KIAA1328: variants seen among roughly 807,000 people sequenced by gnomAD.
KIAA1328 encodes the protein KIAA1328.
A neutral mutation model predicts 68.1 loss-of-function variants in KIAA1328; 52 were observed. The ratio of observed to expected loss-of-function variants is 0.76; its 90% CI spans 0.61 to 0.96. KIAA1328 has a LOEUF of 0.96. Ranked by LOEUF, KIAA1328 falls within the 40% of genes least tolerant of loss-of-function variation. KIAA1328 has a pLI of 0.00. For missense variants in KIAA1328, 641 were observed against 677.6 expected, an observed-to-expected ratio of 0.95 and a Z score of 0.60; for synonymous variants, 232 against 239.4, an observed-to-expected ratio of 0.97 and a Z score of 0.28.
At chr18:37,146,170 C>T (rs1050461223) in intron 7 of KIAA1328, among the ~76,000 whole-genome samples, 1 of 151,846 alleles carries the variant, frequency 6.6e-6, no homozygotes, top group Non-Finnish European at 1.5e-5. Context: ...GTTTGTTTTA[C>T]AGATTATTTT....
At chr18:37,062,202 A>T (rs2056172994) in intron 6 of KIAA1328, among the ~76,000 whole-genome samples, 1 of 152,156 alleles carries the variant, frequency 6.6e-6, no homozygotes, top group Non-Finnish European at 1.5e-5. Flanking sequence ...AAATAAAGGT[A>T]AGTTACTGAA....
Position 37,054,641 on chromosome 18 carries a change from G to A in KIAA1328, c.577-12249G>A, listed in dbSNP as rs1451555471. On this transcript the variant is annotated intron_variant, in intron 6 of 9. Coordinates refer to ENST00000280020, the MANE Select transcript of KIAA1328 (RefSeq NM_020776.3). ...ACACATGGATATAACGATGGAAACA[G>A]TAGACACTGGGGACTCCAAAATGGG... Among the ~76,000 whole-genome samples, 3 of 152,166 alleles carry A rather than the reference G, an allele frequency of 2.0e-5. No homozygotes were observed. The East Asian group carries it at 5.8e-4, about 29-fold the overall frequency.
intron 5 of KIAA1328, among the ~76,000 whole-genome samples, chr18:36,932,615 C>T (rs572281798): frequency 1.6e-3 from 245 of 152,310 alleles, no homozygotes; most frequent in Non-Finnish European, 2.8e-3. Flanking sequence ...GAAGGTAGCT[C>T]CATAGCATAT....
intron 7 of KIAA1328, among the ~76,000 whole-genome samples, chr18:37,123,797 A>T (rs1325419343): frequency 1.3e-5 from 2 of 152,178 alleles, no homozygotes; most frequent in African/African-American, 2.4e-5. Flanking sequence ...ACTAAAGCAA[A>T]GGATAGGTGA....
chr18:36,851,089 T>C (rs541787310), intron 4 of KIAA1328, among the ~76,000 whole-genome samples: 24 of 152,304 alleles, frequency 1.6e-4, no homozygotes, highest in South Asian at 8.3e-4. Flanking sequence ...TGGTTTTTTT[T>C]CTGCTAATAT....
intron 5 of KIAA1328, among the ~76,000 whole-genome samples, chr18:36,953,205 T>G (rs950254021): frequency 2.7e-5 from 4 of 147,984 alleles, no homozygotes; most frequent in African/African-American, 9.8e-5. Context: ...GCATATATAA[T>G]TGTATATAAA....
chr18:36,839,783 C>T (rs1329492429), intron 3 of KIAA1328, among the ~76,000 whole-genome samples: 1 of 152,158 alleles, frequency 6.6e-6, no homozygotes, highest in Non-Finnish European at 1.5e-5. Flanking sequence ...GTAGGCCATA[C>T]TCTTTTGAAT....
At chr18:37,024,203 G>T (rs370318985) in intron 6 of KIAA1328, among the ~76,000 whole-genome samples, 1 of 151,674 alleles carries the variant, frequency 6.6e-6, no homozygotes, top group East Asian at 1.9e-4. Flanking sequence ...TATGTTGATC[G>T]GGCTGGTCCT....
At chr18:37,108,285 G>A (rs555585155) in intron 7 of KIAA1328, among the ~76,000 whole-genome samples, 3 of 151,968 alleles carry the variant, frequency 2.0e-5, no homozygotes, top group South Asian at 4.2e-4. Flanking sequence ...ACCAAATACT[G>A]CATGTTCTCA....
intron 7 of KIAA1328, among the ~76,000 whole-genome samples, chr18:37,121,698 A>G (rs183473583): frequency 6.6e-6 from 1 of 152,298 alleles, no homozygotes; most frequent in Admixed American, 6.5e-5. Context: ...TGTTAAAGTG[A>G]ATATAGAAGA....
In KIAA1328 at chr18:37,146,552, T is replaced by C. The variant is rs537160626; in HGVS notation, c.1233-13648T>C. 5.3e-5 allele frequency among the ~76,000 whole-genome samples: 8 copies of C among 152,348 alleles called. No homozygotes were observed. In the East Asian group the frequency reaches 1.5e-3, roughly 29 times the overall value. ...GTGCTGCAGTGAACATTGGCATGCA[T>C]GTGTCTTTATGGTAGAATGATTTAT... On this transcript the variant is annotated intron_variant, in intron 7 of 9. Transcript: ENST00000280020.
intron 6 of KIAA1328, among the ~76,000 whole-genome samples, chr18:36,969,317 G>T (rs988183419): frequency 3.3e-5 from 5 of 151,760 alleles, no homozygotes; most frequent in Non-Finnish European, 4.4e-5. Context: ...GAAACACAAA[G>T]AAAACATTTA....
At chr18:36,965,856 A>G (rs1027440760) in intron 6 of KIAA1328, among the ~76,000 whole-genome samples, 11 of 151,450 alleles carry the variant, frequency 7.3e-5, no homozygotes, top group Non-Finnish European at 1.5e-4. Flanking sequence ...AAGTTATAAT[A>G]CCACTTATAA....
chr18:36,894,188 T>C (rs1443219916), intron 5 of KIAA1328, among the ~76,000 whole-genome samples: 1 of 152,132 alleles, frequency 6.6e-6, no homozygotes, highest in Non-Finnish European at 1.5e-5. Flanking sequence ...GATACAAATA[T>C]CAATAAGCCT....
At chr18:37,134,463 G>A (rs558641889) in intron 7 of KIAA1328, among the ~76,000 whole-genome samples, 42 of 151,952 alleles carry the variant, frequency 2.8e-4, no homozygotes, top group African/African-American at 9.9e-4. Flanking sequence ...ATGAAAAATT[G>A]CAATATTTCC....
chr18:36,849,241 C>G (rs1228174847), intron 4 of KIAA1328, among the ~76,000 whole-genome samples: 1 of 151,862 alleles, frequency 6.6e-6, no homozygotes, highest in Non-Finnish European at 1.5e-5. Flanking sequence ...ATGAATTTTA[C>G]CACATCATTT....
chr18:37,048,607 G>C (rs903655744), intron 6 of KIAA1328, among the ~76,000 whole-genome samples: 1 of 151,950 alleles, frequency 6.6e-6, no homozygotes, highest in Non-Finnish European at 1.5e-5. Context: ...GGTGCTTTAC[G>C]TTTAAATTCT....
intron 7 of KIAA1328, among the ~76,000 whole-genome samples, chr18:37,145,371 G>A (rs191584930): frequency 5.7e-4 from 86 of 152,038 alleles, no homozygotes; most frequent in Admixed American, 1.6e-3. Context: ...ATAACACAAC[G>A]TGTGATCTGT....
chr18:37,045,820 T>TA (rs747565620), intron 6 of KIAA1328, among the ~76,000 whole-genome samples: 1 of 152,208 alleles, frequency 6.6e-6, no homozygotes, highest in African/African-American at 2.4e-5. Context: ...AGTTCACAAA[T>TA]ATGAAAGAAT....
Sources: gnomAD v4.1 joint callset for allele counts (sites outside exome capture counted in the v4.1 genomes callset) on GRCh38, gnomAD v4.1.1 for gene constraint, MANE v1.5 for transcripts, NCBI Gene and HGNC (gene_info 2026-07-23, HGNC 2026-07-21) for gene names.